The following GREB1 variants were observed in gnomAD, a reference collection of about 807,000 sequenced individuals.
GREB1 encodes growth regulating estrogen receptor binding 1.
GREB1 carries 106 observed loss-of-function variants against 200.7 expected under a neutral mutation model. That is an observed-to-expected ratio of 0.53 (90% CI 0.45 to 0.62). The LOEUF (loss-of-function observed/expected upper bound fraction) is 0.62, where lower values mean the gene tolerates loss of function less well. GREB1 is among the 20% of genes least tolerant of loss of function. GREB1 has a pLI of 0.00. For missense variants in GREB1, 2,243 were observed against 2,556.8 expected, an observed-to-expected ratio of 0.88 and a Z score of 2.65; for synonymous variants, 1,132 against 1,092.4, an observed-to-expected ratio of 1.04 and a Z score of -0.72.
At chr2:11,535,646 T>G (rs1674257859) in intron 1 of GREB1, among the ~76,000 whole-genome samples, 1 of 152,148 alleles carries the variant, frequency 6.6e-6, no homozygotes, top group African/African-American at 2.4e-5. Flanking sequence ...TTGATTGAGT[T>G]CTTTGGTTAC....
Position 11,566,662 on chromosome 2 carries a change from T to C in GREB1, c.454+6T>C. The C allele has an allele frequency of 6.2e-7, 1 of 1,606,786 alleles. No individual in the cohort carries two copies. The highest frequency in any genetic ancestry group is 8.5e-7 in the Non-Finnish European group (1 of 1,175,258). ...TGGCCACAATGCTCTTCTTGGTAAG[T>C]ACTGCTTTGTCATCCTCTGTGGCTC... On this transcript the variant is annotated splice_donor_region_variant and intron_variant, in intron 4 of 32. Coordinates refer to ENST00000381486, the MANE Select transcript of GREB1 (RefSeq NM_014668.4).
At chr2:11,543,031 T>A (rs577051856) in intron 1 of GREB1, among the ~76,000 whole-genome samples, 2 of 152,312 alleles carry the variant, frequency 1.3e-5, no homozygotes, top group African/African-American at 4.8e-5. Context: ...GTCTTCCTTT[T>A]CCTCGTCTAC....
At chr2:11,573,792 T>G (rs959836525) in intron 4 of GREB1, among the ~76,000 whole-genome samples, 2 of 152,238 alleles carry the variant, frequency 1.3e-5, no homozygotes, top group African/African-American at 2.4e-5. Flanking sequence ...GGGCTCCCTG[T>G]GCTTCCCATC....
At chr2:11,587,289 GC>G in intron 9 of GREB1, 1 of 930,414 alleles carries the variant, frequency 1.1e-6, no homozygotes, top group Non-Finnish European at 1.8e-6. Context: ...CCTTTCCTCT[GC>G]CCCCCTTGTC....
chr2:11,497,686 C>T (rs1323717019), intron 1 of GREB1, among the ~76,000 whole-genome samples: 2 of 152,094 alleles, frequency 1.3e-5, no homozygotes, highest in Non-Finnish European at 2.9e-5. Context: ...ATAGTGATGT[C>T]ATATTGTGGT....
chr2:11,592,191 T>C (rs1034167923), intron 10 of GREB1: 45 of 532,302 alleles, frequency 8.5e-5, no homozygotes, highest in African/African-American at 4.4e-4. Context: ...TTTTTTCTTT[T>C]TTTTTTTTTT....
At chr2:11,483,687 GGTGTGTGTGTGTGTGTGT>G (rs57352590) in intron 1 of GREB1, among the ~76,000 whole-genome samples, 1,949 of 132,376 alleles carry the variant, frequency 0.015, 62 homozygotes, top group African/African-American at 0.051. Flanking sequence ...TACAAGAAGG[GGTGTGTGTGTGTGTGTGT>G]GTGTGTGTGT....
chr2:11,569,861 C>T (rs927836570), intron 4 of GREB1, among the ~76,000 whole-genome samples: 39 of 152,072 alleles, frequency 2.6e-4, no homozygotes, highest in Non-Finnish European at 5.3e-4. Context: ...GTGGCTGGAG[C>T]GGAGGCTGGT....
chr2:11,607,424 ATGTATGTG>A lies in GREB1; in HGVS notation c.2667-3260_2667-3253del, dbSNP rs1364202972. 1.4e-4 allele frequency among the ~76,000 whole-genome samples: 11 copies of A among 77,070 alleles called. 1 individual carries two copies. The highest frequency in any genetic ancestry group is 3.3e-4 in the African/African-American group (7 of 21,378). The allele number at this position is 77,070 out of a possible 152,430, so 50.6% of individuals were successfully genotyped here. On this transcript the variant is annotated intron_variant, in intron 17 of 32. Transcript: ENST00000381486. ...ATCTGCTGCCAATTTCATCCAGTATATGTATGTGTGTGTGTGTGTGTGTGTGTGTGTGT... is the reference window on the plus strand; with the variant it reads ...ATCTGCTGCCAATTTCATCCAGTATATGTGTGTGTGTGTGTGTGTGTGTGT...
chr2:11,592,206 C>CTT (rs199552796), intron 10 of GREB1: 1 of 232,256 alleles, frequency 4.3e-6, no homozygotes, highest in African/African-American at 6.5e-5. Flanking sequence ...TTTTTTTTAA[C>CTT]AACAGCAGTG....
chr2:11,544,286 G>A (rs955623858), intron 1 of GREB1, among the ~76,000 whole-genome samples: 1 of 151,492 alleles, frequency 6.6e-6, no homozygotes, highest in East Asian at 2.0e-4. Flanking sequence ...GTGTGATCTC[G>A]GGTCACTGCA....
chr2:11,562,795 G>A, intron 3 of GREB1: 2 of 446,342 alleles, frequency 4.5e-6, no homozygotes, highest in Non-Finnish European at 4.0e-6. Context: ...ACACCATCCT[G>A]GGATGCTAAG....
At chr2:11,614,124 GATTT>G (rs1683180104) in intron 19 of GREB1, among the ~76,000 whole-genome samples, 2 of 133,398 alleles carry the variant, frequency 1.5e-5, no homozygotes, top group Admixed American at 7.3e-5. Flanking sequence ...AGCGGACTTA[GATTT>G]TTTTTTTTTT....
rs34387012 is a variant in GREB1 at position 11,594,362 on chromosome 2, C to CTT, written c.1697-880_1697-879dup. ...TGAATTGTCTTTTAGCATTTTTTTT[C>CTT]TTTTTTTTTTGAGATGGAGTCTTGC... On this transcript the variant is annotated intron_variant, in intron 11 of 32. Transcript: ENST00000381486. 1.9e-3 allele frequency among the ~76,000 whole-genome samples: 289 copies of CTT among 148,402 alleles called. 2 individuals are homozygous for CTT. The highest frequency in any genetic ancestry group is 3.4e-3 in the Middle Eastern group (1 of 292).
chr2:11,533,472 C>T (rs774958004), upstream of GREB1, among the ~76,000 whole-genome samples: 32 of 152,280 alleles, frequency 2.1e-4, no homozygotes, highest in Non-Finnish European at 4.1e-4. Context: ...CACACAGCTC[C>T]GGTGGGTGAG....
At position 11,631,986 on chromosome 2, in the gene GREB1, C is replaced by T. The variant is rs534945391; in HGVS notation, c.4689C>T (p.His1563=). Reference sequence around the variant, plus strand: ...AACATGGGCTCTTTAATCTGTACCACGCAATGGACGGTGCCAGCCATTTGC... The same window carrying T: ...AACATGGGCTCTTTAATCTGTACCATGCAATGGACGGTGCCAGCCATTTGC... ...RHEHGLFNLY[H]AMDGASHLHV... Residue 1563 remains histidine, a synonymous_variant, in exon 27 of 33, where the codon CAC becomes CAT. Transcript: ENST00000381486. 5.4e-5 allele frequency: 87 copies of T among 1,613,754 alleles called. No individual in the cohort carries two copies. The highest frequency in any genetic ancestry group is 1.9e-4 in the South Asian group (17 of 91,074).
intron 1 of GREB1, among the ~76,000 whole-genome samples, chr2:11,534,955 C>T (rs1235143550): frequency 6.6e-6 from 1 of 152,186 alleles, no homozygotes; most frequent in African/African-American, 2.4e-5. Context: ...AGGACAGAAT[C>T]AGCTGGCATT....
chr2:11,585,032 A>G, intron 7 of GREB1, 129 bp from the exon 8 acceptor site: 1 of 516,378 alleles, frequency 1.9e-6, no homozygotes, highest in Non-Finnish European at 3.4e-6. Context: ...GGTCCTTAAA[A>G]CCCACGTGAA....
Position 11,617,599 on chromosome 2 carries a change from C to G in GREB1, c.3413-689C>G, listed in dbSNP as rs1334154533. Among the ~76,000 whole-genome samples, 9 of 152,366 alleles carry G rather than the reference C, an allele frequency of 5.9e-5. No individual in the cohort carries two copies. In the East Asian group the frequency reaches 1.7e-3, roughly 29 times the overall value. On this transcript the variant is annotated intron_variant, in intron 21 of 32. Transcript: ENST00000381486. ...CACAGGTTTGAGAGAGCAGCTGACC[C>G]TCAGTCGGGCCTTGCGGAAGGTGTT...
Sources: gnomAD v4.1 joint callset for allele counts (sites outside exome capture counted in the v4.1 genomes callset) on GRCh38, gnomAD v4.1.1 for gene constraint, MANE v1.5 for transcripts, NCBI Gene and HGNC (gene_info 2026-07-23, HGNC 2026-07-21) for gene names.